CC2D2B: variants seen among roughly 807,000 people sequenced by gnomAD.
The protein encoded by CC2D2B is coiled-coil and C2 domain containing 2B.
CC2D2B carries 128 observed loss-of-function variants against 161.2 expected under a neutral mutation model. The ratio of observed to expected loss-of-function variants is 0.79; its 90% CI spans 0.69 to 0.92. The LOEUF is 0.92. Ranked by LOEUF, CC2D2B falls within the 40% of genes least tolerant of loss-of-function variation. The probability of loss-of-function intolerance (pLI) is 0.00; values close to 1 mark genes in which losing one functional copy is unlikely to be tolerated. For synonymous variants in CC2D2B, 391 were observed against 449.8 expected (o/e 0.87, Z 1.65); for missense variants, 1,173 against 1,375.1 (o/e 0.85, Z 2.32).
intron 22 of CC2D2B, among the ~76,000 whole-genome samples, chr10:95,994,071 G>T (rs555472658): frequency 1.6e-4 from 24 of 147,382 alleles, no homozygotes; most frequent in African/African-American, 6.0e-4. Context: ...AAGAAATAAA[G>T]ACACAAGACA....
chr10:95,996,902 T>C (rs1047148306), intron 24 of CC2D2B, among the ~76,000 whole-genome samples: 1 of 152,184 alleles, frequency 6.6e-6, no homozygotes, highest in African/African-American at 2.4e-5. Flanking sequence ...ATGAATAGAT[T>C]AATGTCATTA....
At chr10:95,949,672 A>ATT (rs1256175792) in intron 9 of CC2D2B, among the ~76,000 whole-genome samples, 68 of 34,804 alleles carry the variant, frequency 2.0e-3, no homozygotes, top group African/African-American at 7.3e-3. Flanking sequence ...AAAAAAATTA[A>ATT]AAAAAAAAAT....
chr10:95,978,388 A>G (rs2077393914), intron 17 of CC2D2B, among the ~76,000 whole-genome samples: 1 of 152,084 alleles, frequency 6.6e-6, no homozygotes, highest in Non-Finnish European at 1.5e-5. Context: ...TTTTTGAGAC[A>G]GGGTCTCACT....
At chr10:95,912,207 T>C (rs2098507594) in intron 2 of CC2D2B, among the ~76,000 whole-genome samples, 1 of 152,212 alleles carries the variant, frequency 6.6e-6, no homozygotes, top group East Asian at 1.9e-4. Context: ...GAGTCTTTGC[T>C]ATTATATTTT....
intron 17 of CC2D2B, among the ~76,000 whole-genome samples, chr10:95,976,613 T>C (rs2077323974): frequency 6.6e-6 from 1 of 152,182 alleles, no homozygotes; most frequent in South Asian, 2.1e-4. Context: ...CAGGACTGAC[T>C]TGTGGAAGTC....
At chr10:95,989,348 GTTC>G (rs2077856984) in intron 20 of CC2D2B, among the ~76,000 whole-genome samples, 1 of 152,168 alleles carries the variant, frequency 6.6e-6, no homozygotes, top group Non-Finnish European at 1.5e-5. Context: ...AACCACAAGT[GTTC>G]TTCTAGTTCG....
chr10:95,992,812 A>T, intron 22 of CC2D2B, 115 bp downstream of exon 22: 1 of 628,860 alleles, frequency 1.6e-6, no homozygotes, highest in Non-Finnish European at 2.3e-6. Flanking sequence ...CATATACATA[A>T]AATGAATGAA....
intron 32 of CC2D2B, among the ~76,000 whole-genome samples, chr10:96,022,323 GA>G (rs149075953): frequency 0.048 from 7,170 of 149,286 alleles, 236 homozygotes; most frequent in South Asian, 0.12. Flanking sequence ...CTCTGTCAAA[GA>G]AAAAAAAAAG....
chr10:95,976,192 G>T (rs2077306276), intron 17 of CC2D2B, among the ~76,000 whole-genome samples: 2 of 152,100 alleles, frequency 1.3e-5, no homozygotes, highest in Admixed American at 1.3e-4. Context: ...GCCCATTTTG[G>T]CTAGATTTTT....
At chr10:95,949,678 A>C (rs1461687134) in intron 9 of CC2D2B, among the ~76,000 whole-genome samples, 1 of 152,068 alleles carries the variant, frequency 6.6e-6, no homozygotes, top group African/African-American at 2.4e-5. Context: ...ATTAAAAAAA[A>C]AAATAGTAAG....
At chr10:96,024,536 C>T (rs1469770206) in intron 32 of CC2D2B, among the ~76,000 whole-genome samples, 3 of 152,146 alleles carry the variant, frequency 2.0e-5, no homozygotes, top group Non-Finnish European at 4.4e-5. Context: ...GTGGAAGACA[C>T]CAGTGCAGCT....
intron 24 of CC2D2B, among the ~76,000 whole-genome samples, chr10:95,998,432 C>T (rs2078319929): frequency 6.6e-6 from 1 of 152,166 alleles, no homozygotes; most frequent in African/African-American, 2.4e-5. Context: ...TCCCTCCCTC[C>T]CCCTGGAACC....
chr10:95,978,412 T>C (rs2077394661), intron 17 of CC2D2B, among the ~76,000 whole-genome samples: 1 of 152,336 alleles, frequency 6.6e-6, no homozygotes, highest in African/African-American at 2.4e-5. Context: ...TCACTCAGGC[T>C]GGAATGTAGT....
chr10:96,000,276 A>G (rs2078420989), intron 24 of CC2D2B: 3 of 1,083,686 alleles, frequency 2.8e-6, no homozygotes, highest in Non-Finnish European at 2.3e-6. Flanking sequence ...TGGCTGCTCC[A>G]GCCGAAAGGA....
chr10:95,985,632 T>TTGTTTAAA (rs2077687429), intron 19 of CC2D2B, among the ~76,000 whole-genome samples: 8 of 152,104 alleles, frequency 5.3e-5, no homozygotes, highest in Non-Finnish European at 1.0e-4. Flanking sequence ...CAATATGAAA[T>TTGTTTAAA]CTGGGCACCT....
chr10:95,978,677 T>C (rs2077403401), intron 17 of CC2D2B, among the ~76,000 whole-genome samples: 1 of 152,172 alleles, frequency 6.6e-6, no homozygotes, highest in African/African-American at 2.4e-5. Context: ...CAGCCAAGCC[T>C]CAGCCTATTA....
intron 6 of CC2D2B, 81 bp from the exon 7 acceptor site, chr10:95,937,910 G>T (rs1590446235): frequency 3.6e-6 from 3 of 830,074 alleles, no homozygotes; most frequent in Non-Finnish European, 5.9e-6. Context: ...TCACAGTAAG[G>T]TTCCAGTACA....
chr10:95,953,374 A>T (rs560314766), intron 10 of CC2D2B, among the ~76,000 whole-genome samples: 80 of 152,090 alleles, frequency 5.3e-4, no homozygotes, highest in Admixed American at 1.0e-3. Flanking sequence ...GGTCATTTTT[A>T]AAAAAATTTT....
intron 31 of CC2D2B, 142 bp downstream of exon 31, chr10:96,019,479 A>T: frequency 1.1e-6 from 1 of 880,696 alleles, no homozygotes; most frequent in Non-Finnish European, 1.8e-6. Flanking sequence ...TTTTATCACT[A>T]AAGCTCCTCC....
Sources: allele counts gnomAD v4.1 joint callset (sites outside exome capture counted in the v4.1 genomes callset), GRCh38; gene constraint gnomAD v4.1.1; transcripts MANE v1.5; gene names NCBI Gene and HGNC (gene_info 2026-07-23, HGNC 2026-07-21).